NHSL2: variants seen among roughly 807,000 people sequenced by gnomAD.
NHSL2 encodes NHS like 2, also known as NHS-like protein 2.
A neutral mutation model predicts 53.4 loss-of-function variants in NHSL2; 27 were observed. The ratio of observed to expected loss-of-function variants is 0.51; its 90% CI spans 0.37 to 0.70. The LOEUF (loss-of-function observed/expected upper bound fraction) is 0.70. NHSL2 is among the 30% of genes least tolerant of loss of function. NHSL2 has a pLI of 0.00. For missense variants in NHSL2, 892 were observed against 980.1 expected (o/e 0.91, Z 1.20); for synonymous variants, 408 against 404.1 (o/e 1.01, Z -0.12).
chrX:72,140,754 G>T lies in NHSL2; in HGVS notation c.3206G>T (p.Arg1069Met). The change falls in exon 6 of 8, where the codon AGG (arginine) becomes ATG (methionine). Residue 1069 changes from arginine (R) to methionine (M), a missense_variant. Coordinates refer to ENST00000633930, the MANE Select transcript of NHSL2 (RefSeq NM_001013627.3). The stretch of plus-strand genomic sequence containing the variant: ...TCAACTCCTCAGGCTGACAGTGAAA[G>T]GGAGGCAAGCCCTCTGGGTTAGTAA... Reference protein sequence around the residue: ...VTSTPQADSEREASPLGSSVE... With the variant: ...VTSTPQADSEMEASPLGSSVE... 1 of 1,182,482 alleles carries T rather than the reference G, an allele frequency of 8.5e-7. No individual in the cohort carries two copies. Among genetic ancestry groups the T allele is most frequent in the South Asian group, 1.9e-5 (1 of 52,068 alleles).
intron 1 of NHSL2, among the ~76,000 whole-genome samples, chrX:72,088,180 G>C (rs1463645438): frequency 1.8e-5 from 2 of 112,069 alleles, no homozygotes; most frequent in East Asian, 5.6e-4. Context: ...GTGGTGAGCT[G>C]AGATTGCGCC....
intron 1 of NHSL2, among the ~76,000 whole-genome samples, chrX:71,950,287 G>A (rs1327806991): frequency 8.9e-6 from 1 of 112,821 alleles, no homozygotes. Context: ...TGAGGGCAGG[G>A]CAGAAGGCAA....
chrX:71,990,971 A>C (rs770731894), intron 1 of NHSL2, among the ~76,000 whole-genome samples: 17 of 112,685 alleles, frequency 1.5e-4, no homozygotes, highest in African/African-American at 5.2e-4. Flanking sequence ...ATTGGGAGTC[A>C]GGACCTGTTT....
chrX:71,946,649 C>T (rs2041794014), intron 1 of NHSL2, among the ~76,000 whole-genome samples: 1 of 112,035 alleles, frequency 8.9e-6, no homozygotes, highest in Non-Finnish European at 1.9e-5. Flanking sequence ...TATATCTGGA[C>T]TATCTAGTCA....
At position 71,933,699 on chromosome X, in the gene NHSL2, A is replaced by G. The variant is rs765904879; in HGVS notation, c.280+22332A>G. 3.6e-5 allele frequency among the ~76,000 whole-genome samples: 4 copies of G among 111,524 alleles called. No homozygotes were observed. The South Asian group carries it at 1.5e-3, about 42-fold the overall frequency. ...GGAGAGCATGTAATATCCTTGCCAC[A>G]GTGCCTGGCACAAGATAAGCACTCG... On this transcript the variant is annotated intron_variant, in intron 1 of 7. Transcript: ENST00000633930.
Position 71,980,560 on chromosome X carries a change from GGTGTGTGGGGT to G in NHSL2, c.280+69201_280+69211del, listed in dbSNP as rs1301310676. On this transcript the variant is annotated intron_variant, in intron 1 of 7. Coordinates refer to ENST00000633930, the MANE Select transcript of NHSL2 (RefSeq NM_001013627.3). ...AAACAGTGTGTGTGTGTGTGTGTGG[GGTGTGTGGGGT>G]GTGTGTGTGTGTGTGTGTGTGTGTG... 5.0e-3 allele frequency among the ~76,000 whole-genome samples: 502 copies of G among 99,475 alleles called. 6 individuals are homozygous for G. The highest frequency in any genetic ancestry group is 0.019 in the African/African-American group (480 of 25,579). The allele number at this position is 99,475 out of a possible 115,157, so 86.4% of individuals were successfully genotyped here.
intron 1 of NHSL2, among the ~76,000 whole-genome samples, chrX:72,113,451 C>T (rs952774366): frequency 9.0e-6 from 1 of 111,669 alleles, no homozygotes; most frequent in African/African-American, 3.3e-5. Flanking sequence ...AGAGGAGACC[C>T]ATAGCCAGCA....
At position 71,981,810 on chromosome X, in the gene NHSL2, A is replaced by G. The variant is rs375014437; in HGVS notation, c.280+70443A>G. On this transcript the variant is annotated intron_variant, in intron 1 of 7. Coordinates refer to ENST00000633930, the MANE Select transcript of NHSL2 (RefSeq NM_001013627.3). ...CCCAATAGATTTGTTGTAATCAAAC[A>G]TACAAATAATAAGTGTTGACAAGGA... 1.2e-4 allele frequency among the ~76,000 whole-genome samples: 14 copies of G among 112,171 alleles called. 1 individual carries two copies. The South Asian group carries it at 4.8e-3, about 38-fold the overall frequency.
Position 72,151,379 on chromosome X carries a change from C to G in NHSL2, c.*7805C>G, listed in dbSNP as rs2042512579. 1 of 111,584 alleles carries G rather than the reference C, an allele frequency of 9.0e-6. No homozygotes were observed. The highest frequency in any genetic ancestry group is 1.9e-5 in the Non-Finnish European group (1 of 53,158). The allele number at this position is 111,584 out of a possible 1,213,427, so 9.2% of individuals were successfully genotyped here. A position where few individuals can be genotyped will look rare whatever the true frequency, so the allele number is the denominator to read the frequency against. The stretch of plus-strand genomic sequence containing the variant: ...GCAAAGCCTTAGGCTGACCCCTGAT[C>G]CAGACTGTCTTCTGAGACAAGCATT... On this transcript the variant is annotated 3_prime_UTR_variant, in exon 8 of 8. Transcript: ENST00000633930.
chrX:72,077,089 G>C (rs2041750070), intron 1 of NHSL2, among the ~76,000 whole-genome samples: 1 of 110,665 alleles, frequency 9.0e-6, no homozygotes, highest in Non-Finnish European at 1.9e-5. Context: ...TTGTCTCAGA[G>C]ATGTGCAATC....
rs766846233 is a variant in NHSL2 at position 72,140,475 on chromosome X, C to G, written c.2927C>G (p.Pro976Arg). 3 of 1,209,912 alleles carry G rather than the reference C, an allele frequency of 2.5e-6. No individual in the cohort carries two copies. In the South Asian group the frequency reaches 5.3e-5, roughly 21 times the overall value. The change falls in exon 6 of 8, where the codon CCC (proline) becomes CGC (arginine). Residue 976 changes from proline to arginine, a missense_variant. Transcript: ENST00000633930. ...PPQGSVEDEG[P>R]KVRVLPERIS... Reference sequence around the variant, plus strand: ...CAGGGAAGTGTAGAGGACGAGGGCCCCAAGGTGAGGGTTCTGCCTGAAAGA... The same window carrying G: ...CAGGGAAGTGTAGAGGACGAGGGCCGCAAGGTGAGGGTTCTGCCTGAAAGA...
At chrX:71,951,602 C>T (rs1367157206) in intron 1 of NHSL2, among the ~76,000 whole-genome samples, 1 of 112,198 alleles carries the variant, frequency 8.9e-6, no homozygotes, top group Admixed American at 9.4e-5. Flanking sequence ...TTTGCATTTC[C>T]CTAATGACTA....
At chrX:72,055,404 C>A (rs1292478472) in intron 1 of NHSL2, among the ~76,000 whole-genome samples, 1 of 112,410 alleles carries the variant, frequency 8.9e-6, no homozygotes, top group African/African-American at 3.2e-5. Context: ...GATTGACCTC[C>A]AATTAGGTTT....
intron 1 of NHSL2, among the ~76,000 whole-genome samples, chrX:72,086,273 C>A (rs1042142661): frequency 8.9e-6 from 1 of 112,074 alleles, no homozygotes; most frequent in African/African-American, 3.3e-5. Context: ...ACCAAAATAT[C>A]TTGCTGGCCT....
chrX:71,948,855 T>TG (rs2041806727), intron 1 of NHSL2, among the ~76,000 whole-genome samples: 1 of 106,553 alleles, frequency 9.4e-6, no homozygotes, highest in Non-Finnish European at 1.9e-5. Context: ...AGTTTTGTTT[T>TG]TTTTTTTTTG....
chrX:72,019,643 A>C (rs772990801), intron 1 of NHSL2, among the ~76,000 whole-genome samples: 1 of 111,722 alleles, frequency 9.0e-6, no homozygotes, highest in South Asian at 3.8e-4. Context: ...GTTTGAACCG[A>C]GTCTTGAAGG....
chrX:72,069,831 C>A, intron 1 of NHSL2: 1 of 519,159 alleles, frequency 1.9e-6, no homozygotes, highest in Non-Finnish European at 2.7e-6. Context: ...GGGCCCCTGA[C>A]CCTTGGCGTG....
rs142249031 is a variant in NHSL2 at position 71,957,307 on chromosome X, G to A, written c.280+45940G>A. Among the ~76,000 whole-genome samples the A allele has an allele frequency of 6.7e-3, 752 of 112,225 alleles. 6 individuals carry two copies. Among genetic ancestry groups the A allele is most frequent in the African/African-American group, 0.023 (707 of 30,894 alleles). On this transcript the variant is annotated intron_variant, in intron 1 of 7. Coordinates refer to ENST00000633930, the MANE Select transcript of NHSL2 (RefSeq NM_001013627.3). ...CACACAGTCATTATGGTGTGAGCAC[G>A]TGCCCCAACAGTGCAGTGGCACGAT...
At chrX:72,120,272 ATTC>A (rs751572102) in intron 1 of NHSL2, among the ~76,000 whole-genome samples, 3 of 112,502 alleles carry the variant, frequency 2.7e-5, no homozygotes, top group Admixed American at 9.4e-5. Context: ...ATGGGCATTA[ATTC>A]TTCTTTAAAT....
Sources: gnomAD v4.1 joint callset for allele counts (sites outside exome capture counted in the v4.1 genomes callset) on GRCh38, gnomAD v4.1.1 for gene constraint, MANE v1.5 for transcripts, NCBI Gene and HGNC (gene_info 2026-07-23, HGNC 2026-07-21) for gene names.